ROBO1: variants seen among roughly 807,000 people sequenced by gnomAD.
The protein encoded by ROBO1 is roundabout homolog 1.
In ROBO1, 149 loss-of-function variants were observed where a neutral mutation model predicts 195.9. The observed-to-expected ratio is 0.76, with a 90% CI of 0.67 to 0.87. The LOEUF (loss-of-function observed/expected upper bound fraction) is 0.87. ROBO1 is among the 40% of genes least tolerant of loss of function. The pLI is 0.00. For synonymous variants in ROBO1, 816 were observed against 733.2 expected (o/e 1.11, Z -1.82); for missense variants, 1,933 against 2,068.3 (o/e 0.93, Z 1.27).
intron 1 of ROBO1, among the ~76,000 whole-genome samples, chr3:79,741,739 G>T (rs1283922566): frequency 3.3e-5 from 5 of 152,102 alleles, no homozygotes; most frequent in Non-Finnish European, 1.5e-5. Context: ...AGAGAGTTTG[G>T]AACTTTCTAG....
intron 3 of ROBO1, among the ~76,000 whole-genome samples, chr3:79,120,091 T>C (rs1472271487): frequency 6.6e-6 from 1 of 152,038 alleles, no homozygotes; most frequent in African/African-American, 2.4e-5. Flanking sequence ...GGTTTTGATC[T>C]TAAAAGATAG....
chr3:78,795,234 G>A (rs988002662), intron 4 of ROBO1, among the ~76,000 whole-genome samples: 2 of 152,218 alleles, frequency 1.3e-5, no homozygotes, highest in South Asian at 2.1e-4. Flanking sequence ...ATAAAAGTCA[G>A]AGCACCAACT....
chr3:78,810,590 A>T (rs2084706126), intron 4 of ROBO1, among the ~76,000 whole-genome samples: 1 of 151,834 alleles, frequency 6.6e-6, no homozygotes, highest in Admixed American at 6.6e-5. Flanking sequence ...ACTTGACAAA[A>T]CCTTTATTTA....
chr3:79,515,172 A>C (rs1291644484), intron 2 of ROBO1, among the ~76,000 whole-genome samples: 1 of 152,172 alleles, frequency 6.6e-6, no homozygotes, highest in African/African-American at 2.4e-5. Context: ...CAAGCGGCTG[A>C]AAAATAGCCC....
At chr3:78,643,323 G>T (rs1314776241) in intron 21 of ROBO1, among the ~76,000 whole-genome samples, 1 of 152,286 alleles carries the variant, frequency 6.6e-6, no homozygotes, top group South Asian at 2.1e-4. Context: ...TGGCAGGCTG[G>T]ATTTGGCCCA....
intron 1 of ROBO1, among the ~76,000 whole-genome samples, chr3:79,644,244 C>T (rs537678610): frequency 6.6e-6 from 1 of 152,010 alleles, no homozygotes; most frequent in Non-Finnish European, 1.5e-5. Flanking sequence ...AGGTAGACTA[C>T]AATACAGTAA....
chr3:78,861,485 T>C (rs1048707302), intron 4 of ROBO1, among the ~76,000 whole-genome samples: 8 of 152,300 alleles, frequency 5.3e-5, no homozygotes, highest in Admixed American at 3.3e-4. Context: ...GTTTAAAAGC[T>C]TCACTGCCTC....
intron 5 of ROBO1, among the ~76,000 whole-genome samples, chr3:78,735,246 T>G (rs2108214690): frequency 6.6e-6 from 1 of 152,314 alleles, no homozygotes; most frequent in Non-Finnish European, 1.5e-5. Flanking sequence ...AAAATAACGC[T>G]TTATAATGAG....
At chr3:78,831,784 G>A (rs1160038536) in intron 4 of ROBO1, among the ~76,000 whole-genome samples, 1 of 152,224 alleles carries the variant, frequency 6.6e-6, no homozygotes, top group African/African-American at 2.4e-5. Flanking sequence ...CAAAGGATGA[G>A]CAAAGTCACA....
At chr3:78,824,374 C>A (rs1333477418) in intron 4 of ROBO1, among the ~76,000 whole-genome samples, 1 of 151,954 alleles carries the variant, frequency 6.6e-6, no homozygotes, top group Non-Finnish European at 1.5e-5. Context: ...TATTCTTGAC[C>A]CTATTTGATA....
intron 1 of ROBO1, among the ~76,000 whole-genome samples, chr3:79,669,752 G>C (rs1946579520): frequency 6.6e-6 from 1 of 151,878 alleles, no homozygotes; most frequent in Admixed American, 6.6e-5. Flanking sequence ...AAGGATAAAA[G>C]GGAGATCAAA....
At chr3:78,811,247 A>C (rs1389866193) in intron 4 of ROBO1, among the ~76,000 whole-genome samples, 1 of 152,210 alleles carries the variant, frequency 6.6e-6, no homozygotes, top group Non-Finnish European at 1.5e-5. Context: ...TTTCTAAAAC[A>C]AATGTAAAAA....
chr3:78,963,175 T>G (rs567871739), intron 3 of ROBO1, among the ~76,000 whole-genome samples: 3 of 151,996 alleles, frequency 2.0e-5, no homozygotes, highest in Admixed American at 2.0e-4. Context: ...CAAAACCTGA[T>G]ACAAATCTTA....
chr3:79,163,182 G>GC (rs1370877109), intron 2 of ROBO1, among the ~76,000 whole-genome samples: 2 of 151,952 alleles, frequency 1.3e-5, no homozygotes, highest in Non-Finnish European at 2.9e-5. Flanking sequence ...CTCCATTGCT[G>GC]CCTCCCCACA....
At chr3:79,217,846 A>G (rs969211668) in intron 2 of ROBO1, among the ~76,000 whole-genome samples, 16 of 152,040 alleles carry the variant, frequency 1.1e-4, no homozygotes, top group Non-Finnish European at 1.8e-4. Context: ...TTATTAAACA[A>G]TCATATTTGA....
intron 2 of ROBO1, among the ~76,000 whole-genome samples, chr3:79,534,148 CAAAAAAAAAA>C (rs5850434): frequency 1.3e-4 from 8 of 59,946 alleles, no homozygotes; most frequent in African/African-American, 2.5e-4. Context: ...CTGGGGAAGG[CAAAAAAAAAA>C]AAAAAAAAAA....
At chr3:78,976,904 A>G (rs2076896011) in intron 3 of ROBO1, among the ~76,000 whole-genome samples, 2 of 152,184 alleles carry the variant, frequency 1.3e-5, no homozygotes, top group African/African-American at 4.8e-5. Context: ...AACTGCACAA[A>G]TTATAGCAAA....
intron 14 of ROBO1, among the ~76,000 whole-genome samples, chr3:78,663,373 C>T (rs1707543009): frequency 1.3e-5 from 2 of 152,104 alleles, no homozygotes; most frequent in Admixed American, 6.6e-5. Context: ...CATACTTCAT[C>T]TTCCTTTACC....
At chr3:79,297,171 A>C (rs2032640357) in intron 2 of ROBO1, among the ~76,000 whole-genome samples, 1 of 152,158 alleles carries the variant, frequency 6.6e-6, no homozygotes, top group African/African-American at 2.4e-5. Context: ...CTAATTACAC[A>C]TTTTTTAGGA....
Sources: allele counts gnomAD v4.1 joint callset (sites outside exome capture counted in the v4.1 genomes callset), GRCh38; gene constraint gnomAD v4.1.1; transcripts MANE v1.5; gene names NCBI Gene and HGNC (gene_info 2026-07-23, HGNC 2026-07-21).